TEAD4: variants seen among roughly 807,000 people sequenced by gnomAD.
TEAD4 encodes the protein TEA domain transcription factor 4.
Under a neutral mutation model 52.4 loss-of-function variants are expected in TEAD4, and 36 were observed. The observed-to-expected ratio is 0.69, with a 90% CI of 0.53 to 0.91. The LOEUF is 0.91. Ranked by LOEUF, TEAD4 falls within the 40% of genes least tolerant of loss-of-function variation. The probability of loss-of-function intolerance (pLI) is 0.00; values close to 1 mark genes in which losing one functional copy is unlikely to be tolerated. For missense variants in TEAD4, 508 were observed against 583.9 expected, an observed-to-expected ratio of 0.87 and a Z score of 1.34; for synonymous variants, 220 against 231.0, an observed-to-expected ratio of 0.95 and a Z score of 0.43.
At chr12:2,997,811 G>GGA (rs2098248447) in intron 3 of TEAD4, among the ~76,000 whole-genome samples, 1 of 150,946 alleles carries the variant, frequency 6.6e-6, no homozygotes, top group African/African-American at 2.4e-5. Context: ...TTTTCGGGGG[G>GGA]GGGGTGTGTG....
chr12:2,979,003 C>A (rs886091736), intron 2 of TEAD4, among the ~76,000 whole-genome samples: 6 of 152,104 alleles, frequency 3.9e-5, no homozygotes, highest in Non-Finnish European at 7.3e-5. Context: ...GCAACCTCCG[C>A]CTCCCTGGTT....
rs569616052 is a variant in TEAD4 at position 2,985,653 on chromosome 12, G to C, written c.-29-9085G>C. Among the ~76,000 whole-genome samples the C allele has an allele frequency of 4.0e-3, 611 of 151,184 alleles. 5 individuals are homozygous for C. The highest frequency in any genetic ancestry group is 0.014 in the African/African-American group (567 of 41,336). The stretch of plus-strand genomic sequence containing the variant: ...CCCTAGTAGCTGGGATTATAGGTGC[G>C]CACCATCATGCCTGGCTAATTTTTG... On this transcript the variant is annotated intron_variant, in intron 2 of 12. Coordinates refer to ENST00000359864, the MANE Select transcript of TEAD4 (RefSeq NM_003213.4).
At chr12:2,975,078 T>G (rs1278453487) in intron 2 of TEAD4, among the ~76,000 whole-genome samples, 1 of 151,982 alleles carries the variant, frequency 6.6e-6, no homozygotes, top group African/African-American at 2.4e-5. Context: ...AATTTTGTAT[T>G]TATTTATTTT....
chr12:3,025,918 C>G (rs2153957793), intron 10 of TEAD4, among the ~76,000 whole-genome samples: 1 of 138,454 alleles, frequency 7.2e-6, no homozygotes, highest in African/African-American at 2.6e-5. Flanking sequence ...TTCTAATTCC[C>G]TATCCTTTAT....
chr12:2,959,620 C>G lies in TEAD4; in HGVS notation c.-123+139C>G, dbSNP rs186948008. On this transcript the variant is annotated intron_variant, in intron 1 of 12. Transcript: ENST00000359864. This position sits in a 1 kb window ranked among gnomAD's most constrained non-coding sequence, Gnocchi z 5.1. The stretch of plus-strand genomic sequence containing the variant: ...CCCGCGTTCCCGCCTTGGACCTCTG[C>G]GCTCCGACGCGCTCCGTCCCGACCT... 3,560 of 151,130 alleles carry G rather than the reference C, an allele frequency of 0.024. 60 individuals are homozygous for G. Among genetic ancestry groups the G allele is most frequent in the Non-Finnish European group, 0.035 (2,384 of 67,690 alleles). The allele number at this position is 151,130 out of a possible 1,614,324, so 9.4% of individuals were successfully genotyped here.
chr12:3,014,311 G>A (rs1484058741), intron 5 of TEAD4, among the ~76,000 whole-genome samples: 2 of 152,194 alleles, frequency 1.3e-5, no homozygotes, highest in Non-Finnish European at 2.9e-5. Context: ...CGGCTGTGTG[G>A]CCCACATTTG....
intron 2 of TEAD4, among the ~76,000 whole-genome samples, chr12:2,992,317 C>T (rs1318931117): frequency 2.6e-5 from 4 of 152,120 alleles, no homozygotes; most frequent in Non-Finnish European, 1.5e-5. Context: ...CTGCGCCCGG[C>T]TGGTTCCTGC....
chr12:3,009,230 C>T (rs1382168355), intron 3 of TEAD4, among the ~76,000 whole-genome samples: 1 of 152,150 alleles, frequency 6.6e-6, no homozygotes, highest in Admixed American at 6.6e-5. Context: ...GAGTTCGAGA[C>T]CAGCCTGGCC....
At chr12:2,960,918 T>C (rs113533142) in intron 2 of TEAD4, among the ~76,000 whole-genome samples, 26 of 152,286 alleles carry the variant, frequency 1.7e-4, no homozygotes, top group Middle Eastern at 3.4e-3. Context: ...CCAGGCTCCG[T>C]TTCCCCTGGA....
At chr12:2,987,995 G>A (rs1341553640) in intron 2 of TEAD4, among the ~76,000 whole-genome samples, 3 of 151,696 alleles carry the variant, frequency 2.0e-5, no homozygotes, top group South Asian at 2.1e-4. Flanking sequence ...TTGAGCCTGG[G>A]AGGTGGAGGT....
intron 2 of TEAD4, among the ~76,000 whole-genome samples, chr12:2,978,591 G>C (rs1250879640): frequency 6.6e-6 from 1 of 152,008 alleles, no homozygotes; most frequent in African/African-American, 2.4e-5. Context: ...TTTTAGTAGA[G>C]ACAGGTTTCA....
chr12:3,013,798 C>T lies in TEAD4; in HGVS notation c.354+1566C>T, dbSNP rs565695057. On this transcript the variant is annotated intron_variant, in intron 5 of 12. Transcript: ENST00000359864. The stretch of plus-strand genomic sequence containing the variant: ...ATCCCAGGTACTTGGAGGTTGAGGC[C>T]AGGAGTTGGAGGCTGCGGTGGGCTG... Among the ~76,000 whole-genome samples the T allele has an allele frequency of 2.0e-5, 3 of 152,134 alleles. No homozygotes were observed. In the South Asian group the frequency reaches 6.2e-4, roughly 32 times the overall value.
chr12:2,987,656 T>C (rs941070675), intron 2 of TEAD4, among the ~76,000 whole-genome samples: 1 of 151,168 alleles, frequency 6.6e-6, no homozygotes, highest in Non-Finnish European at 1.5e-5. Context: ...TCTCCTGACC[T>C]CGTGATCCGC....
Position 3,019,034 on chromosome 12 carries a change from C to T in TEAD4, c.528-81C>T, listed in dbSNP as rs532769042. The T allele has an allele frequency of 7.7e-6, 12 of 1,552,650 alleles. No homozygotes were observed. The South Asian group carries it at 1.0e-4, about 13-fold the overall frequency. On this transcript the variant is annotated intron_variant, in intron 7 of 12. Coordinates refer to ENST00000359864, the MANE Select transcript of TEAD4 (RefSeq NM_003213.4). The stretch of plus-strand genomic sequence containing the variant: ...AAATCCAGACCACCAGGACCTACCA[C>T]ACAGACCACTGGACCCAGTGCAGGG...
intron 2 of TEAD4, among the ~76,000 whole-genome samples, chr12:2,968,802 C>A (rs1291618932): frequency 6.6e-6 from 1 of 152,020 alleles, no homozygotes; most frequent in Non-Finnish European, 1.5e-5. Context: ...GTTTGTGCCA[C>A]CATGCCCTGC....
At chr12:3,031,290 G>T (rs1406335592) in intron 10 of TEAD4, among the ~76,000 whole-genome samples, 1 of 152,208 alleles carries the variant, frequency 6.6e-6, no homozygotes, top group African/African-American at 2.4e-5. Flanking sequence ...GAGCTTAGGC[G>T]AGCTGATCTG....
At chr12:2,962,346 A>ACATATT (rs1555118352) in intron 2 of TEAD4, among the ~76,000 whole-genome samples, 1 of 128,062 alleles carries the variant, frequency 7.8e-6, no homozygotes, top group South Asian at 2.4e-4. Flanking sequence ...ATATATATAT[A>ACATATT]TTTTTTGAGA....
rs1280240061 is a variant in TEAD4, at chr12:3,020,370, C to T, written c.584-264C>T. ...CAGGGCCCCAGCTGCCCTCCAGAAT[C>T]CAGTCTTGCTCGGCGGTTCCATGCA... is the stretch of plus-strand genomic sequence containing the variant. On this transcript the variant is annotated intron_variant, in intron 8 of 12. Coordinates refer to ENST00000359864, the MANE Select transcript of TEAD4 (RefSeq NM_003213.4). Among the ~76,000 whole-genome samples, 6 of 104,724 alleles carry T rather than the reference C, an allele frequency of 5.7e-5. No homozygotes were observed. The Admixed American group carries it at 5.7e-4, about 10-fold the overall frequency. 68.7% of individuals were successfully genotyped at this position (104,724 alleles called of 152,430 possible).
chr12:2,968,838 C>G (rs1164746834), intron 2 of TEAD4, among the ~76,000 whole-genome samples: 1 of 151,850 alleles, frequency 6.6e-6, no homozygotes, highest in Non-Finnish European at 1.5e-5. Flanking sequence ...TTTGTAGAAA[C>G]AAGGTCTTGC....
Sources: gnomAD v4.1 joint callset for allele counts (sites outside exome capture counted in the v4.1 genomes callset) on GRCh38, gnomAD v4.1.1 for gene constraint, Gnocchi (gnomAD v3.1) non-coding constraint, MANE v1.5 for transcripts, NCBI Gene and HGNC (gene_info 2026-07-23, HGNC 2026-07-21) for gene names.